Variants in ATXN2L observed in about 807,000 individuals in gnomAD.
ATXN2L encodes the protein ataxin 2 like.
In ATXN2L, 24 loss-of-function variants were observed where a neutral mutation model predicts 120.7. The ratio of observed to expected loss-of-function variants is 0.20; its 90% CI spans 0.14 to 0.28. The LOEUF (loss-of-function observed/expected upper bound fraction) is 0.28, where lower values mean the gene tolerates loss of function less well. Among genes scored for constraint, ATXN2L ranks in the 10% least tolerant of loss-of-function variants. The pLI is 1.00. For missense variants in ATXN2L, 1,312 were observed against 1,432.3 expected (o/e 0.92, Z 1.36); for synonymous variants, 653 against 568.1 (o/e 1.15, Z -2.13).
Position 28,836,287 on chromosome 16 carries a change from T to C in ATXN2L, c.*22T>C. On this transcript the variant is annotated 3_prime_UTR_variant, in exon 22 of 22. Coordinates refer to ENST00000336783, the MANE Select transcript of ATXN2L (RefSeq NM_007245.4). ...GTGAGGGGTCTTGGAGGCAGGGCTG[T>C]CCCACAGGGCGCCCGCCGACCTGCA... 1 of 1,609,636 alleles carries C rather than the reference T, an allele frequency of 6.2e-7. No individual in the cohort carries two copies. The highest frequency in any genetic ancestry group is 8.5e-7 in the Non-Finnish European group (1 of 1,177,666).
At chr16:28,833,856 G>GT (rs1383849222) in intron 15 of ATXN2L, 1 of 694,540 alleles carries the variant, frequency 1.4e-6, no homozygotes, top group Non-Finnish European at 2.4e-6. Flanking sequence ...TGGAAGGTTT[G>GT]TGATCTTGGA....
intron 2 of ATXN2L, 76 bp from the exon 3 acceptor site, chr16:28,825,548 G>A (rs2051574065): frequency 6.5e-7 from 1 of 1,547,196 alleles, no homozygotes; most frequent in Non-Finnish European, 8.9e-7. Context: ...TGAGTAGAGT[G>A]CGGCGGGCAT....
At chr16:28,828,294 T>A (rs1477968240) in intron 6 of ATXN2L, among the ~76,000 whole-genome samples, 1 of 152,124 alleles carries the variant, frequency 6.6e-6, no homozygotes, top group African/African-American at 2.4e-5. Context: ...TAGTAATCAT[T>A]AACAGTTGCA....
At chr16:28,823,723 A>G (rs2050451648) in intron 1 of ATXN2L, 165 bp downstream of exon 1, 1 of 724,006 alleles carries the variant, frequency 1.4e-6, no homozygotes. Context: ...GTCGGACGGA[A>G]AGGGTCCCCG....
chr16:28,834,258 G>T, intron 16 of ATXN2L, 47 bp downstream of exon 16: 2 of 1,610,452 alleles, frequency 1.2e-6, no homozygotes, highest in Non-Finnish European at 1.7e-6. Flanking sequence ...GGTGGGATTT[G>T]GTTGCGCTGG....
intron 1 of ATXN2L, chr16:28,823,863 A>G (rs2050574380): frequency 9.4e-6 from 3 of 319,104 alleles, no homozygotes; most frequent in Admixed American, 5.1e-5. Flanking sequence ...GGGGGGGGCA[A>G]GGAGCTGATC....
At chr16:28,835,884 C>CT (rs1254432378) in intron 21 of ATXN2L, 49 bp from the exon 22 acceptor site, 1 of 1,564,836 alleles carries the variant, frequency 6.4e-7, no homozygotes, top group Non-Finnish European at 8.7e-7. Flanking sequence ...CTCTCAGAGT[C>CT]TGTTTCAGGA....
In ATXN2L at chr16:28,834,707, A is replaced by G. The variant is rs771730880; in HGVS notation, c.2433+14A>G. 3 of 1,599,102 alleles carry G rather than the reference A, an allele frequency of 1.9e-6. No homozygotes were observed. In the South Asian group the frequency reaches 3.3e-5, roughly 18 times the overall value. ...TACCCCTCACAGGTGACTGCGGCCC[A>G]GGAGGGCAGTGAGGATCCAGGGCCC... On this transcript the variant is annotated intron_variant, in intron 18 of 21. Transcript: ENST00000336783.
In ATXN2L at chr16:28,829,941, G is replaced by T; in HGVS notation, c.917G>T (p.Ser306Ile). ...AAQLAREIES[S>I]PQYRLRIAME... is the part of the protein sequence containing the mutation. ...CAGTTGGCTCGAGAGATTGAATCAA[G>T]CCCCCAGTACCGCCTACGGATCGCC... is the stretch of plus-strand genomic sequence containing the variant. Residue 306 changes from serine (S) to isoleucine (I), a missense_variant, in exon 8 of 22, where the codon AGC becomes ATC. Transcript: ENST00000336783. 1 of 1,614,230 alleles carries T rather than the reference G, an allele frequency of 6.2e-7. No individual in the cohort carries two copies. Among genetic ancestry groups the T allele is most frequent in the Non-Finnish European group, 8.5e-7 (1 of 1,180,046 alleles).
Position 28,829,977 on chromosome 16 carries a change from A to G in ATXN2L, c.953A>G (p.Asp318Gly), listed in dbSNP as rs1466515495. ...QYRLRIAMENDDGRTEEEKHS... is the reference protein window; with the variant it reads ...QYRLRIAMENGDGRTEEEKHS... Reference sequence around the variant, plus strand: ...CGCCTACGGATCGCCATGGAGAACGACGATGGGCGCACTGAAGAGGAGAAG... The same window carrying G: ...CGCCTACGGATCGCCATGGAGAACGGCGATGGGCGCACTGAAGAGGAGAAG... The change falls in exon 8 of 22, where the codon GAC becomes GGC. Residue 318 changes from aspartate to glycine, a missense_variant. Transcript: ENST00000336783. The G allele has an allele frequency of 1.9e-6, 3 of 1,614,202 alleles. No individual in the cohort carries two copies. Among genetic ancestry groups the G allele is most frequent in the Non-Finnish European group, 2.5e-6 (3 of 1,180,030 alleles).
At position 28,833,054 on chromosome 16, in the gene ATXN2L, TC is replaced by T. The variant is rs1292860741; in HGVS notation, c.1660-3del. ...GACTGGACTGTGTGTGTTTCTCTCT[TC>T]CAGCTTCAGCCCAGTAGCTCCCCTG... is the stretch of plus-strand genomic sequence containing the variant. On this transcript the variant is annotated splice_region_variant and splice_polypyrimidine_tract_variant and intron_variant, in intron 13 of 21. Coordinates refer to ENST00000336783, the MANE Select transcript of ATXN2L (RefSeq NM_007245.4). 6.2e-7 allele frequency: 1 copy of T among 1,613,158 alleles called. No homozygotes were observed. Among genetic ancestry groups the T allele is most frequent in the African/African-American group, 1.3e-5 (1 of 74,940 alleles).
chr16:28,832,670 C>T, intron 12 of ATXN2L, 103 bp downstream of exon 12: 1 of 1,415,828 alleles, frequency 7.1e-7, no homozygotes, highest in Non-Finnish European at 9.9e-7. Context: ...CAATGTCTAT[C>T]AGTCCTTGGA....
rs1308197754 is a variant in ATXN2L at position 28,836,096 on chromosome 16, C to G, written c.3059C>G (p.Pro1020Arg). 1.3e-5 allele frequency: 21 copies of G among 1,614,010 alleles called. No individual in the cohort carries two copies. The highest frequency in any genetic ancestry group is 1.8e-5 in the Non-Finnish European group (21 of 1,180,004). ...GCACTCTCAGCTTCCACACCCTCACCCTACCCCTACATCGGACACCCCCAA... is the reference window on the plus strand; with the variant it reads ...GCACTCTCAGCTTCCACACCCTCACGCTACCCCTACATCGGACACCCCCAA... ...VPALSASTPS[P>R]YPYIGHPQGE... The change falls in exon 22 of 22, where the codon CCC becomes CGC. Residue 1020 changes from proline to arginine, a missense_variant. Physicochemically the swap from Pro to Arg is moderately radical, Grantham distance 103. Transcript: ENST00000336783.
chr16:28,825,717 C>T (rs771492288), intron 3 of ATXN2L, 37 bp downstream of exon 3: 15 of 1,612,580 alleles, frequency 9.3e-6, no homozygotes, highest in Admixed American at 1.7e-5. Context: ...GTTTAAGGAA[C>T]GTAATGCATC....
chr16:28,832,642 T>C (rs1567423734), intron 12 of ATXN2L, 75 bp downstream of exon 12: 1 of 1,537,296 alleles, frequency 6.5e-7, no homozygotes, highest in Non-Finnish European at 9.0e-7. Flanking sequence ...AGGAAGTTTG[T>C]TGGAATTCAG....
intron 14 of ATXN2L, 39 bp from the exon 15 acceptor site, chr16:28,833,400 A>G (rs2055242840): frequency 6.2e-7 from 1 of 1,613,966 alleles, no homozygotes; most frequent in Admixed American, 1.7e-5. Flanking sequence ...AGGAGGGATG[A>G]GAGCAAGCCG....
In ATXN2L at chr16:28,837,088, C is replaced by G. The variant is rs1390783503; in HGVS notation, c.*823C>G. 1.8e-6 allele frequency: 1 copy of G among 548,054 alleles called. No homozygotes were observed. The highest frequency in any genetic ancestry group is 2.3e-5 in the Admixed American group (1 of 44,114). 33.9% of individuals were successfully genotyped at this position (548,054 alleles called of 1,614,324 possible). A position where few individuals can be genotyped will look rare whatever the true frequency, so the allele number is the denominator to read the frequency against. On this transcript the variant is annotated 3_prime_UTR_variant, in exon 22 of 22. Coordinates refer to ENST00000336783, the MANE Select transcript of ATXN2L (RefSeq NM_007245.4). ...TATTATTTATAACTTCAGACTTGGG[C>G]CCCCTGTTCTTTCTTTCCCATTAAC...
Position 28,836,968 on chromosome 16 carries a change from G to A in ATXN2L, c.*703G>A, listed in dbSNP as rs1041192078. 5 of 687,888 alleles carry A rather than the reference G, an allele frequency of 7.3e-6. No homozygotes were observed. Among genetic ancestry groups the A allele is most frequent in the Admixed American group, 2.3e-5 (1 of 43,594 alleles). The allele number at this position is 687,888 out of a possible 1,614,324, so 42.6% of individuals were successfully genotyped here. A position where few individuals can be genotyped will look rare whatever the true frequency, so the allele number is the denominator to read the frequency against. ...CAGGGCCAGGGTCCAGCAGGGGTGG[G>A]GGGTTCCTGCTCTGCCCCTGCCCGT... On this transcript the variant is annotated 3_prime_UTR_variant, in exon 22 of 22. Transcript: ENST00000336783.
chr16:28,829,591 C>T (rs573889132), intron 7 of ATXN2L, 99 bp downstream of exon 7: 2 of 984,900 alleles, frequency 2.0e-6, no homozygotes, highest in East Asian at 2.6e-5. Flanking sequence ...TCATTTTTCT[C>T]TGGGTGTCCA....
Sources: gnomAD v4.1 joint callset for allele counts (sites outside exome capture counted in the v4.1 genomes callset) on GRCh38, gnomAD v4.1.1 for gene constraint, MANE v1.5 for transcripts, NCBI Gene and HGNC (gene_info 2026-07-23, HGNC 2026-07-21) for gene names.